The following TNIP3 variants were observed in gnomAD, a reference collection of about 807,000 sequenced individuals.
The protein encoded by TNIP3 is TNFAIP3 interacting protein 3.
TNIP3 carries 34 observed loss-of-function variants against 54.1 expected under a neutral mutation model. That is an observed-to-expected ratio of 0.63 (90% CI 0.48 to 0.84). The LOEUF is 0.84. Among genes scored for constraint, TNIP3 ranks in the 40% least tolerant of loss-of-function variants. TNIP3 has a pLI of 0.00. For synonymous variants in TNIP3, 134 were observed against 136.8 expected, an observed-to-expected ratio of 0.98 and a Z score of 0.14; for missense variants, 366 against 387.6, an observed-to-expected ratio of 0.94 and a Z score of 0.47.
intron 2 of TNIP3, among the ~76,000 whole-genome samples, chr4:121,204,670 G>T (rs1242839898): frequency 6.6e-6 from 1 of 152,094 alleles, no homozygotes; most frequent in African/African-American, 2.4e-5. Flanking sequence ...AGAAATACCT[G>T]TCTAGATATA....
At chr4:121,167,952 C>A (rs1481535613), upstream of TNIP3, among the ~76,000 whole-genome samples, 2 of 152,048 alleles carry the variant, frequency 1.3e-5, no homozygotes, top group Non-Finnish European at 2.9e-5. Flanking sequence ...ATCAGGATAG[C>A]TTAGTTTATG....
At position 121,149,778 on chromosome 4, in the gene TNIP3, A is replaced by C. The variant is rs913809552; in HGVS notation, c.609+325T>G. ...GAGACTCTGTCTCAAAAACAAAAACAAAAACCATGTCTACGTGAAACTCCC... is the reference window on the plus strand; with the variant it reads ...GAGACTCTGTCTCAAAAACAAAAACCAAAACCATGTCTACGTGAAACTCCC... On this transcript the variant is annotated intron_variant, in intron 6 of 10. Coordinates refer to ENST00000057513, the MANE Select transcript of TNIP3 (RefSeq NM_024873.6). Among the ~76,000 whole-genome samples, 20 of 152,266 alleles carry C rather than the reference A, an allele frequency of 1.3e-4. No homozygotes were observed. The East Asian group carries it at 2.3e-3, about 18-fold the overall frequency.
intron 3 of TNIP3, among the ~76,000 whole-genome samples, chr4:121,176,109 C>T (rs1011943892): frequency 6.6e-6 from 1 of 152,194 alleles, no homozygotes; most frequent in Non-Finnish European, 1.5e-5. Flanking sequence ...GCCTATTTAT[C>T]CACTAATCTG....
In TNIP3 at chr4:121,197,263, C is replaced by A. The variant is rs962084404; in HGVS notation, c.69-14467G>T. Reference sequence around the variant, plus strand: ...CTAAGTCCTGCCGGGCACAGCAGCTCATGCCTATAATCCCAGCGTTTTGGG... The same window carrying A: ...CTAAGTCCTGCCGGGCACAGCAGCTAATGCCTATAATCCCAGCGTTTTGGG... On this transcript the variant is annotated intron_variant, in intron 2 of 12. Transcript: ENST00000507879. Among the ~76,000 whole-genome samples, 67 of 152,230 alleles carry A rather than the reference C, an allele frequency of 4.4e-4. 1 individual carries two copies. The highest frequency in any genetic ancestry group is 1.4e-3 in the African/African-American group (60 of 41,524).
intron 4 of TNIP3, 44 bp from the exon 5 acceptor site, chr4:121,154,723 C>T: frequency 6.5e-7 from 1 of 1,538,404 alleles, no homozygotes; most frequent in Middle Eastern, 2.2e-4. Context: ...CAGTACAAGT[C>T]AAATGAGATG....
chr4:121,152,889 G>T (rs547789270), intron 5 of TNIP3, among the ~76,000 whole-genome samples: 9 of 152,240 alleles, frequency 5.9e-5, no homozygotes, highest in Admixed American at 1.3e-4. Flanking sequence ...CCTAATGGAG[G>T]AGTTGGCACA....
intron 2 of TNIP3, among the ~76,000 whole-genome samples, chr4:121,204,489 T>C (rs1198386833): frequency 6.6e-6 from 1 of 152,174 alleles, no homozygotes; most frequent in Non-Finnish European, 1.5e-5. Context: ...GCACATGTCA[T>C]CAGGACCTCC....
chr4:121,143,974 A>G (rs533268344), intron 7 of TNIP3, among the ~76,000 whole-genome samples: 3 of 152,340 alleles, frequency 2.0e-5, no homozygotes, highest in Admixed American at 2.0e-4. Flanking sequence ...GGCACTAAAT[A>G]GATCACAAAA....
chr4:121,154,932 AC>A (rs1437373052), intron 4 of TNIP3, among the ~76,000 whole-genome samples: 1 of 149,172 alleles, frequency 6.7e-6, no homozygotes, highest in Non-Finnish European at 1.5e-5. Context: ...AAATTTTGTG[AC>A]CCCAGGAAAA....
intron 6 of TNIP3, 60 bp downstream of exon 6, chr4:121,150,043 A>G: frequency 9.4e-7 from 1 of 1,058,684 alleles, no homozygotes; most frequent in South Asian, 1.4e-5. Context: ...AAATGCCCAA[A>G]GAAGCATGAA....
At chr4:121,156,237 A>G (rs1042799125) in intron 4 of TNIP3, among the ~76,000 whole-genome samples, 23 of 152,208 alleles carry the variant, frequency 1.5e-4, no homozygotes, top group African/African-American at 5.5e-4. Flanking sequence ...GCCTCACGAT[A>G]TCAGTGATAA....
At position 121,215,601 on chromosome 4, in the gene TNIP3, T is replaced by C. The variant is rs114126276; in HGVS notation, c.68+814A>G. ...CAGCTTGGAATAGCCTTTCCTTCTA[T>C]TTTTCCATCTTTCTCCTGTTTCTCT... On this transcript the variant is annotated intron_variant, in intron 2 of 12. Coordinates refer to the TNIP3 transcript ENST00000507879. Among the ~76,000 whole-genome samples, 947 of 152,218 alleles carry C rather than the reference T, an allele frequency of 6.2e-3. 6 individuals carry two copies. The highest frequency in any genetic ancestry group is 0.011 in the Admixed American group (174 of 15,284).
intron 2 of TNIP3, among the ~76,000 whole-genome samples, chr4:121,197,509 G>A (rs1443579429): frequency 2.7e-5 from 4 of 146,524 alleles, no homozygotes; most frequent in African/African-American, 1.0e-4. Flanking sequence ...TCCAGCCTGG[G>A]TGACAGAGCG....
chr4:121,215,735 G>A (rs1025820471), intron 2 of TNIP3, among the ~76,000 whole-genome samples: 1 of 151,932 alleles, frequency 6.6e-6, no homozygotes, highest in Non-Finnish European at 1.5e-5. Flanking sequence ...TCTTTTATGA[G>A]GCAGAGCATC....
At position 121,189,749 on chromosome 4, in the gene TNIP3, A is replaced by G. The variant is rs114736373; in HGVS notation, c.69-6953T>C. On this transcript the variant is annotated intron_variant, in intron 2 of 12. Coordinates refer to the TNIP3 transcript ENST00000507879. Reference sequence around the variant, plus strand: ...ATGTAATTTAAAAATTTAAATAGATATCGAAGAATTGTATTTGCATGTCTG... The same window carrying G: ...ATGTAATTTAAAAATTTAAATAGATGTCGAAGAATTGTATTTGCATGTCTG... Among the ~76,000 whole-genome samples, 705 of 152,356 alleles carry G rather than the reference A, an allele frequency of 4.6e-3. 6 individuals are homozygous for G. The highest frequency in any genetic ancestry group is 0.016 in the African/African-American group (673 of 41,580).
At chr4:121,144,916 C>A (rs866615808) in intron 7 of TNIP3, among the ~76,000 whole-genome samples, 9 of 152,146 alleles carry the variant, frequency 5.9e-5, no homozygotes, top group African/African-American at 2.2e-4. Flanking sequence ...AGTTAAATAA[C>A]TTGTTCAAGG....
chr4:121,153,751 T>C (rs139835279), intron 5 of TNIP3, among the ~76,000 whole-genome samples: 40 of 152,270 alleles, frequency 2.6e-4, no homozygotes, highest in African/African-American at 9.4e-4. Context: ...GGGCATGTGG[T>C]CCAAAATACA....
chr4:121,206,464 T>C (rs1363389527), intron 2 of TNIP3, among the ~76,000 whole-genome samples: 1 of 152,200 alleles, frequency 6.6e-6, no homozygotes, highest in Admixed American at 6.5e-5. Flanking sequence ...ACATGAATTT[T>C]ATCATAAATT....
intron 2 of TNIP3, among the ~76,000 whole-genome samples, chr4:121,193,501 G>C (rs1164043152): frequency 6.6e-6 from 1 of 152,128 alleles, no homozygotes; most frequent in Non-Finnish European, 1.5e-5. Flanking sequence ...ACATTAGAAT[G>C]CCTACTGATA....
Sources: allele counts gnomAD v4.1 joint callset (sites outside exome capture counted in the v4.1 genomes callset), GRCh38; gene constraint gnomAD v4.1.1; transcripts MANE v1.5; gene names NCBI Gene and HGNC (gene_info 2026-07-23, HGNC 2026-07-21).